Variants in RBFOX1 observed in about 807,000 individuals in gnomAD.
RBFOX1 encodes the protein RNA binding fox-1 homolog 1, also known as RNA binding protein fox-1 homolog 1.
In RBFOX1, 8 loss-of-function variants were observed where a neutral mutation model predicts 57.7. That is an observed-to-expected ratio of 0.14 (90% confidence interval 0.08 to 0.25). The LOEUF is 0.25. Ranked by LOEUF, RBFOX1 falls within the 10% of genes least tolerant of loss-of-function variation. The pLI, the probability that RBFOX1 is intolerant of heterozygous loss-of-function variation, is 1.00. For missense variants in RBFOX1, 611 were observed against 548.5 expected, an observed-to-expected ratio of 1.11 and a Z score of -1.14; for synonymous variants, 326 against 222.4, an observed-to-expected ratio of 1.47 and a Z score of -4.15.
chr16:6,892,292 G>C (rs917743657), intron 3 of RBFOX1, among the ~76,000 whole-genome samples: 5 of 152,164 alleles, frequency 3.3e-5, no homozygotes, highest in African/African-American at 9.6e-5. Context: ...AAGACTCTTC[G>C]ACCGTAAAGT....
intron 4 of RBFOX1, among the ~76,000 whole-genome samples, chr16:7,185,563 A>C (rs1450371268): frequency 6.6e-6 from 1 of 152,234 alleles, no homozygotes; most frequent in African/African-American, 2.4e-5. Context: ...CAGATGGGAT[A>C]CAGTGGTTTT....
chr16:6,664,468 C>A (rs940177351), intron 3 of RBFOX1, among the ~76,000 whole-genome samples: 1 of 152,140 alleles, frequency 6.6e-6, no homozygotes, highest in African/African-American at 2.4e-5. Context: ...TGCCTCAGCT[C>A]CTTTGCTCAG....
chr16:6,785,420 G>C (rs184915374), intron 3 of RBFOX1, among the ~76,000 whole-genome samples: 2 of 152,148 alleles, frequency 1.3e-5, no homozygotes, highest in East Asian at 3.9e-4. Flanking sequence ...TTTTTAGGCT[G>C]GGCAAAACTG....
chr16:6,863,335 C>T (rs1356464571), intron 3 of RBFOX1, among the ~76,000 whole-genome samples: 6 of 151,936 alleles, frequency 3.9e-5, no homozygotes, highest in African/African-American at 9.7e-5. Context: ...AGAGACAAAA[C>T]GTGGCTCACC....
At chr16:6,335,532 C>T (rs971379673) in intron 2 of RBFOX1, among the ~76,000 whole-genome samples, 86 of 151,994 alleles carry the variant, frequency 5.7e-4, no homozygotes, top group African/African-American at 2.0e-3. Context: ...GTAATCCCAG[C>T]ACTTTGGGAG....
chr16:5,250,624 G>A (rs2062427184), intron 1 of RBFOX1, among the ~76,000 whole-genome samples: 1 of 152,172 alleles, frequency 6.6e-6, no homozygotes, highest in South Asian at 2.1e-4. Context: ...AATAAAAATG[G>A]AATAATGCTA....
chr16:6,542,593 C>T (rs997940829), intron 2 of RBFOX1, among the ~76,000 whole-genome samples: 1 of 144,620 alleles, frequency 6.9e-6, no homozygotes, highest in Admixed American at 7.2e-5. Flanking sequence ...GGGTTCACGC[C>T]ATTCTCCTGC....
chr16:7,622,787 T>A (rs564413098), intron 10 of RBFOX1, among the ~76,000 whole-genome samples: 1 of 152,172 alleles, frequency 6.6e-6, no homozygotes, highest in Admixed American at 6.5e-5. Flanking sequence ...CAGAGCAACA[T>A]TTTTTCTGCA....
intron 4 of RBFOX1, among the ~76,000 whole-genome samples, chr16:7,131,439 T>C (rs1420044089): frequency 1.3e-5 from 2 of 150,388 alleles, no homozygotes; most frequent in African/African-American, 4.9e-5. Context: ...TTGGCCACTT[T>C]ACATCTCTTG....
At chr16:7,335,981 C>A (rs1226021286) in intron 4 of RBFOX1, among the ~76,000 whole-genome samples, 1 of 152,170 alleles carries the variant, frequency 6.6e-6, no homozygotes, top group East Asian at 1.9e-4. Context: ...AGTAGTATTC[C>A]CAAGTGCATT....
At chr16:6,583,334 G>C (rs896275775) in intron 2 of RBFOX1, among the ~76,000 whole-genome samples, 2 of 152,144 alleles carry the variant, frequency 1.3e-5, no homozygotes, top group Non-Finnish European at 2.9e-5. Context: ...GTGGGAAATG[G>C]GTGGGTTGCG....
Position 5,780,908 on chromosome 16 carries a change from G to A in RBFOX1, c.319-86395G>A, listed in dbSNP as rs147126443. Among the ~76,000 whole-genome samples the A allele has an allele frequency of 7.0e-3, 1,070 of 152,288 alleles. 12 individuals carry two copies. Among genetic ancestry groups the A allele is most frequent in the African/African-American group, 0.024 (988 of 41,554 alleles). On this transcript the variant is annotated intron_variant, in intron 3 of 19. Coordinates refer to the RBFOX1 transcript ENST00000641259. Reference sequence around the variant, plus strand: ...ATGCTAGAGCAGAATCTATTATACCGTGTCTAGAAAGAGCTTTGTAAACTC... The same window carrying A: ...ATGCTAGAGCAGAATCTATTATACCATGTCTAGAAAGAGCTTTGTAAACTC...
intron 4 of RBFOX1, among the ~76,000 whole-genome samples, chr16:7,480,865 C>A (rs1310991810): frequency 6.6e-6 from 1 of 152,146 alleles, no homozygotes; most frequent in Non-Finnish European, 1.5e-5. Context: ...AAAAGTTGTC[C>A]TCCTGGGGCT....
At chr16:5,992,764 T>C (rs921195383) in intron 4 of RBFOX1, among the ~76,000 whole-genome samples, 3 of 152,148 alleles carry the variant, frequency 2.0e-5, no homozygotes, top group Non-Finnish European at 4.4e-5. Flanking sequence ...TGAAACCTTG[T>C]CTCTGCTGAA....
chr16:6,240,811 A>G (rs1397558343), intron 1 of RBFOX1, among the ~76,000 whole-genome samples: 1 of 152,018 alleles, frequency 6.6e-6, no homozygotes, highest in African/African-American at 2.4e-5. Flanking sequence ...CTCTTTCTTG[A>G]TTCACCTGAT....
chr16:6,799,740 T>A (rs894607921), intron 3 of RBFOX1, among the ~76,000 whole-genome samples: 1 of 152,138 alleles, frequency 6.6e-6, no homozygotes, highest in Non-Finnish European at 1.5e-5. Flanking sequence ...TTCTTGCCCT[T>A]GACCATCAGC....
Position 7,518,328 on chromosome 16 carries a change from A to G in RBFOX1, c.209A>G (p.Gln70Arg). Residue 70 changes from glutamine (Q) to arginine (R), a missense_variant, in exon 5 of 16, where the codon CAG becomes CGG. Physicochemically the swap from Gln to Arg is conservative, Grantham distance 43 (BLOSUM62 1). Coordinates refer to ENST00000550418, the MANE Select transcript of RBFOX1 (RefSeq NM_018723.4). ...EHTLNLYPPA[Q>R]THSEQSPADT... ...ACATTAAACCTGTACCCTCCCGCCC[A>G]GACGCACTCCGAGCAGAGCCCGGCG... The G allele has an allele frequency of 3.7e-6, 6 of 1,613,872 alleles. No individual in the cohort carries two copies. Among genetic ancestry groups the G allele is most frequent in the Non-Finnish European group, 5.1e-6 (6 of 1,179,918 alleles).
chr16:5,390,047 G>A (rs1313882351), intron 1 of RBFOX1, among the ~76,000 whole-genome samples: 4 of 151,920 alleles, frequency 2.6e-5, no homozygotes, highest in Admixed American at 2.0e-4. Context: ...TTATTCTGTA[G>A]CTTAAAAACT....
At chr16:6,029,150 A>C (rs1198281702) in intron 1 of RBFOX1, among the ~76,000 whole-genome samples, 1 of 152,192 alleles carries the variant, frequency 6.6e-6, no homozygotes, top group Non-Finnish European at 1.5e-5. Context: ...CTTTGATACA[A>C]AAGGTTCCCT....
Sources: gnomAD v4.1 joint callset for allele counts (sites outside exome capture counted in the v4.1 genomes callset) on GRCh38, gnomAD v4.1.1 for gene constraint, MANE v1.5 for transcripts, NCBI Gene and HGNC (gene_info 2026-07-23, HGNC 2026-07-21) for gene names.